The following INTS7 variants were observed in gnomAD, a reference collection of about 807,000 sequenced individuals.
INTS7 encodes chromosome 1 open reading frame 73.
A neutral mutation model predicts 109.2 loss-of-function variants in INTS7; 46 were observed. The observed-to-expected ratio is 0.42, with a 90% CI of 0.33 to 0.54. The LOEUF (loss-of-function observed/expected upper bound fraction) is 0.54, where lower values mean the gene tolerates loss of function less well. Ranked by LOEUF, INTS7 falls within the 20% of genes least tolerant of loss-of-function variation. INTS7 has a pLI of 0.07. For missense variants in INTS7, 929 were observed against 1,132.4 expected (o/e 0.82, Z 2.58); for synonymous variants, 412 against 402.9 (o/e 1.02, Z -0.27).
chr1:211,965,577 G>T (rs2788128), intron 16 of INTS7, among the ~76,000 whole-genome samples: 6,802 of 152,258 alleles, frequency 0.045, 210 homozygotes, highest in African/African-American at 0.08. Context: ...ACCAGATAAA[G>T]AAAATGTGGT....
At chr1:211,996,319 G>C (rs1571887135) in intron 7 of INTS7, among the ~76,000 whole-genome samples, 1 of 152,106 alleles carries the variant, frequency 6.6e-6, no homozygotes. Context: ...CTACTCAGGA[G>C]GCTGAGACAG....
chr1:211,996,835 G>C (rs1195944950), intron 7 of INTS7, among the ~76,000 whole-genome samples: 1 of 152,104 alleles, frequency 6.6e-6, no homozygotes, highest in African/African-American at 2.4e-5. Flanking sequence ...GACCAGCCTG[G>C]ACAAAATAGC....
At chr1:212,003,696 G>C (rs1665783355) in intron 7 of INTS7, among the ~76,000 whole-genome samples, 1 of 152,176 alleles carries the variant, frequency 6.6e-6, no homozygotes, top group South Asian at 2.1e-4. Flanking sequence ...TAAAAGTGTA[G>C]AGTGATGAAA....
intron 15 of INTS7, among the ~76,000 whole-genome samples, chr1:211,966,860 T>C (rs1318353409): frequency 2.7e-5 from 4 of 148,912 alleles, no homozygotes; most frequent in South Asian, 4.2e-4. Flanking sequence ...TGATAAAAGT[T>C]AAAAAAAAAA....
intron 5 of INTS7, among the ~76,000 whole-genome samples, chr1:212,009,341 C>T (rs1285317858): frequency 3.9e-5 from 6 of 152,138 alleles, no homozygotes; most frequent in Admixed American, 6.5e-5. Context: ...ATATAACTGT[C>T]ATCAGATACA....
At chr1:212,006,308 T>C (rs1268473022) in intron 7 of INTS7, among the ~76,000 whole-genome samples, 1 of 152,010 alleles carries the variant, frequency 6.6e-6, no homozygotes, top group Non-Finnish European at 1.5e-5. Context: ...CCCCTAAATT[T>C]TTCTCCCCAA....
At chr1:212,024,776 G>A (rs1448916177) in intron 1 of INTS7, among the ~76,000 whole-genome samples, 1 of 152,184 alleles carries the variant, frequency 6.6e-6, no homozygotes. Context: ...CTGCTATTGT[G>A]AGTGAAATTT....
intron 7 of INTS7, among the ~76,000 whole-genome samples, chr1:211,994,057 A>G (rs1253030468): frequency 6.6e-6 from 1 of 152,198 alleles, no homozygotes; most frequent in Non-Finnish European, 1.5e-5. Context: ...ACCAGCAATG[A>G]TAAGACTGGC....
At position 211,978,381 on chromosome 1, in the gene INTS7, G is replaced by A; in HGVS notation, c.1361C>T (p.Ala454Val). 1 of 1,614,164 alleles carries A rather than the reference G, an allele frequency of 6.2e-7. No homozygotes were observed. Among genetic ancestry groups the A allele is most frequent in the Admixed American group, 1.7e-5 (1 of 60,014 alleles). Residue 454 changes from alanine to valine, a missense_variant, in exon 11 of 20, where the codon GCA becomes GTA. Coordinates refer to ENST00000366994, the MANE Select transcript of INTS7 (RefSeq NM_015434.4). ...CACCGGCAGTTGCATGGCAATGGCT[G>A]CCAGGCAATGGCACATCAAAATCCG... ...AARILMCHCL[A>V]AIAMQLPVLG...
At position 212,003,926 on chromosome 1, in the gene INTS7, G is replaced by T. The variant is rs1665790351; in HGVS notation, c.879+2713C>A. Among the ~76,000 whole-genome samples, 3 of 152,062 alleles carry T rather than the reference G, an allele frequency of 2.0e-5. No homozygotes were observed. In the South Asian group the frequency reaches 6.2e-4, roughly 32 times the overall value. Reference sequence around the variant, plus strand: ...CCTCCAAAGAGTGAAAAGGAACAGGGGAGACAGAGAGAAAACACAAAATAA... The same window carrying T: ...CCTCCAAAGAGTGAAAAGGAACAGGTGAGACAGAGAGAAAACACAAAATAA... On this transcript the variant is annotated intron_variant, in intron 7 of 19. Transcript: ENST00000366994.
At chr1:212,012,364 G>T (rs1484926325) in intron 4 of INTS7, among the ~76,000 whole-genome samples, 1 of 151,974 alleles carries the variant, frequency 6.6e-6, no homozygotes, top group Non-Finnish European at 1.5e-5. Flanking sequence ...GATCAATACA[G>T]ATACTAGAAA....
At chr1:211,968,818 C>T (rs911296198) in intron 13 of INTS7, 111 bp from the exon 14 acceptor site, 97 of 679,238 alleles carry the variant, frequency 1.4e-4, no homozygotes, top group Non-Finnish European at 3.6e-5. Context: ...TCTCTAAAAA[C>T]ACTGACGGAT....
chr1:212,018,997 C>T (rs1666571439), intron 3 of INTS7, among the ~76,000 whole-genome samples: 1 of 152,174 alleles, frequency 6.6e-6, no homozygotes, highest in Non-Finnish European at 1.5e-5. Flanking sequence ...CGCCTGTAAT[C>T]CCAACAATAT....
intron 16 of INTS7, among the ~76,000 whole-genome samples, chr1:211,962,260 T>TAAAAAAA (rs35134976): frequency 3.2e-4 from 25 of 79,322 alleles, no homozygotes; most frequent in African/African-American, 4.7e-4. Context: ...CAACAAAGAT[T>TAAAAAAA]AAAAAAAAAA....
chr1:211,972,108 C>A (rs1160209655), intron 13 of INTS7, among the ~76,000 whole-genome samples: 1 of 151,550 alleles, frequency 6.6e-6, no homozygotes, highest in Non-Finnish European at 1.5e-5. Context: ...GCTATGTGAC[C>A]CAGGGTATTA....
At chr1:212,028,514 T>G (rs1667025342) in intron 1 of INTS7, among the ~76,000 whole-genome samples, 1 of 152,194 alleles carries the variant, frequency 6.6e-6, no homozygotes, top group Non-Finnish European at 1.5e-5. Flanking sequence ...CAGCAATTTT[T>G]GACTGCCTTT....
At chr1:211,951,037 A>C (rs1038459603) in intron 17 of INTS7, among the ~76,000 whole-genome samples, 3 of 152,252 alleles carry the variant, frequency 2.0e-5, no homozygotes, top group Non-Finnish European at 4.4e-5. Flanking sequence ...CATGGAAAGC[A>C]ATATGTCAAA....
At position 211,942,151 on chromosome 1, in the gene INTS7, AT is replaced by A. The variant is rs1403791391; in HGVS notation, c.2602-41del. ...TTGTTAACTAACAACAATGGCTAAC[AT>A]TTCTTCAGTGCTTACTATGAGTTAG... is the stretch of plus-strand genomic sequence containing the variant. On this transcript the variant is annotated intron_variant, in intron 19 of 19. Coordinates refer to ENST00000366994, the MANE Select transcript of INTS7 (RefSeq NM_015434.4). The surrounding 1 kb of genome is among the most constrained non-coding windows in gnomAD (Gnocchi z 4.2). The A allele has an allele frequency of 2.5e-6, 4 of 1,595,852 alleles. No individual in the cohort carries two copies. The Admixed American group carries it at 6.7e-5, about 27-fold the overall frequency.
chr1:211,965,610 C>A (rs115680830), intron 16 of INTS7, among the ~76,000 whole-genome samples: 1 of 151,702 alleles, frequency 6.6e-6, no homozygotes, highest in Non-Finnish European at 1.5e-5. Flanking sequence ...TGAAATACTA[C>A]GCAGCCATAA....
Sources: allele counts gnomAD v4.1 joint callset (sites outside exome capture counted in the v4.1 genomes callset), GRCh38; gene constraint gnomAD v4.1.1; non-coding constraint Gnocchi (gnomAD v3.1); transcripts MANE v1.5; gene names NCBI Gene and HGNC (gene_info 2026-07-23, HGNC 2026-07-21).